PTPRD: variants seen among roughly 807,000 people sequenced by gnomAD.
PTPRD encodes protein tyrosine phosphatase receptor type D, also known as receptor-type tyrosine-protein phosphatase delta.
Under a neutral mutation model 214.5 loss-of-function variants are expected in PTPRD, and 34 were observed. The ratio of observed to expected loss-of-function variants is 0.16; its 90% confidence interval spans 0.12 to 0.21. The LOEUF is 0.21. PTPRD is among the 10% of genes least tolerant of loss of function. The pLI is 1.00. For missense variants in PTPRD, 2,545 were observed against 2,398.7 expected, an observed-to-expected ratio of 1.06 and a Z score of -1.27; for synonymous variants, 1,128 against 845.7, an observed-to-expected ratio of 1.33 and a Z score of -5.79.
chr9:9,519,718 G>A (rs199717645), intron 8 of PTPRD, among the ~76,000 whole-genome samples: 1 of 151,850 alleles, frequency 6.6e-6, no homozygotes, highest in Non-Finnish European at 1.5e-5. Context: ...TATAATAAAT[G>A]GAGATATACA....
intron 4 of PTPRD, among the ~76,000 whole-genome samples, chr9:9,958,900 G>A (rs527505793): frequency 2.0e-5 from 3 of 152,278 alleles, no homozygotes; most frequent in African/African-American, 4.8e-5. Flanking sequence ...AGGGCAATAG[G>A]TGGGAATACA....
chr9:9,859,966 A>T (rs1418112696), intron 5 of PTPRD, among the ~76,000 whole-genome samples: 2 of 152,240 alleles, frequency 1.3e-5, no homozygotes, highest in Admixed American at 1.3e-4. Flanking sequence ...AAAAGTGTTT[A>T]TCACAAGATC....
At chr9:10,052,664 A>C (rs1158210365) in intron 3 of PTPRD, among the ~76,000 whole-genome samples, 1 of 152,144 alleles carries the variant, frequency 6.6e-6, no homozygotes, top group Non-Finnish European at 1.5e-5. Flanking sequence ...TCACACAGCT[A>C]AAAAAGATCC....
At chr9:10,252,763 A>G (rs2154370268) in intron 3 of PTPRD, among the ~76,000 whole-genome samples, 1 of 152,246 alleles carries the variant, frequency 6.6e-6, no homozygotes, top group African/African-American at 2.4e-5. Flanking sequence ...ACAAATACAT[A>G]CACAGTCACA....
At chr9:9,980,382 C>T (rs948841396) in intron 4 of PTPRD, among the ~76,000 whole-genome samples, 6 of 151,412 alleles carry the variant, frequency 4.0e-5, no homozygotes, top group Admixed American at 2.0e-4. Flanking sequence ...CCGAGGTGGG[C>T]GGATCACCTG....
chr9:8,629,807 T>C (rs1439873437), intron 14 of PTPRD, among the ~76,000 whole-genome samples: 2 of 151,794 alleles, frequency 1.3e-5, no homozygotes. Context: ...CCTACTTCTT[T>C]CGTGAACCAC....
At chr9:9,451,835 C>A (rs1185067589) in intron 8 of PTPRD, among the ~76,000 whole-genome samples, 1 of 150,672 alleles carries the variant, frequency 6.6e-6, no homozygotes, top group East Asian at 1.9e-4. Context: ...TGAATTTGCG[C>A]TATAGATACA....
At chr9:9,710,958 G>A (rs771115193) in intron 7 of PTPRD, among the ~76,000 whole-genome samples, 6 of 151,858 alleles carry the variant, frequency 4.0e-5, no homozygotes, top group Non-Finnish European at 7.4e-5. Flanking sequence ...GTCTGAGAGC[G>A]AGCGAGCGAG....
chr9:8,944,539 C>A (rs56164221), intron 11 of PTPRD, among the ~76,000 whole-genome samples: 42,877 of 151,820 alleles, frequency 0.28, 6,214 homozygotes, highest in East Asian at 0.34. Flanking sequence ...AAGAAAATGT[C>A]GTACATATAC....
intron 36 of PTPRD, among the ~76,000 whole-genome samples, chr9:8,402,245 C>G (rs1297678849): frequency 1.3e-5 from 2 of 152,144 alleles, no homozygotes; most frequent in Admixed American, 6.6e-5. Context: ...TTTGTGAACA[C>G]AGCACTATAA....
At chr9:8,726,654 A>C (rs1461011069) in intron 12 of PTPRD, among the ~76,000 whole-genome samples, 1 of 103,206 alleles carries the variant, frequency 9.7e-6, no homozygotes, top group African/African-American at 3.7e-5. Context: ...TATATATGAC[A>C]GCCAGGTGTG....
intron 9 of PTPRD, among the ~76,000 whole-genome samples, chr9:9,275,652 G>A (rs1227869915): frequency 6.6e-6 from 1 of 151,188 alleles, no homozygotes; most frequent in Non-Finnish European, 1.5e-5. Flanking sequence ...GCTGCCCCCA[G>A]AATATTGTCT....
chr9:9,581,077 A>C (rs1302913740), intron 7 of PTPRD, among the ~76,000 whole-genome samples: 5 of 152,136 alleles, frequency 3.3e-5, no homozygotes, highest in Non-Finnish European at 7.4e-5. Flanking sequence ...CCAAAATTGT[A>C]TCTTCATAAA....
At chr9:8,813,008 T>C (rs1480434230) in intron 11 of PTPRD, among the ~76,000 whole-genome samples, 2 of 152,130 alleles carry the variant, frequency 1.3e-5, no homozygotes, top group African/African-American at 2.4e-5. Flanking sequence ...CTCCTCATGA[T>C]ATAATCATCA....
intron 7 of PTPRD, among the ~76,000 whole-genome samples, chr9:9,636,670 C>T (rs2095781016): frequency 6.6e-6 from 1 of 152,148 alleles, no homozygotes; most frequent in Non-Finnish European, 1.5e-5. Context: ...GACAGATTGT[C>T]ACCAGCTTGT....
At chr9:8,814,864 T>C (rs1351343980) in intron 11 of PTPRD, among the ~76,000 whole-genome samples, 1 of 152,240 alleles carries the variant, frequency 6.6e-6, no homozygotes, top group Non-Finnish European at 1.5e-5. Flanking sequence ...AGTACTTCCA[T>C]GGTTGAAACT....
At chr9:10,068,862 T>C (rs1300949374) in intron 3 of PTPRD, among the ~76,000 whole-genome samples, 2 of 152,140 alleles carry the variant, frequency 1.3e-5, no homozygotes, top group Middle Eastern at 3.4e-3. Flanking sequence ...TTGGCCCTTT[T>C]AAATGCACCC....
At chr9:9,898,707 C>T (rs1466517714) in intron 5 of PTPRD, among the ~76,000 whole-genome samples, 3 of 152,018 alleles carry the variant, frequency 2.0e-5, no homozygotes, top group Non-Finnish European at 2.9e-5. Context: ...CATAGAAATG[C>T]TATGGTCTTA....
intron 14 of PTPRD, among the ~76,000 whole-genome samples, chr9:8,548,424 G>A (rs993005008): frequency 2.6e-5 from 4 of 151,862 alleles, no homozygotes; most frequent in East Asian, 1.9e-4. Context: ...CTGTACTGCC[G>A]TGGCACAATC....
Sources: gnomAD v4.1 joint callset for allele counts (sites outside exome capture counted in the v4.1 genomes callset) on GRCh38, gnomAD v4.1.1 for gene constraint, MANE v1.5 for transcripts, NCBI Gene and HGNC (gene_info 2026-07-23, HGNC 2026-07-21) for gene names.